Variants in EXOC2 observed in about 807,000 individuals in gnomAD.
EXOC2 encodes the protein SEC5-like 1.
EXOC2 carries 70 observed loss-of-function variants against 131.8 expected under a neutral mutation model. The observed-to-expected ratio is 0.53, with a 90% CI of 0.44 to 0.65. EXOC2 has a LOEUF of 0.65. Ranked by LOEUF, EXOC2 falls within the 30% of genes least tolerant of loss-of-function variation. EXOC2 has a pLI of 0.00. For synonymous variants in EXOC2, 411 were observed against 398.4 expected, an observed-to-expected ratio of 1.03 and a Z score of -0.38; for missense variants, 923 against 1,108.6, an observed-to-expected ratio of 0.83 and a Z score of 2.38.
At chr6:652,288 C>T (rs1762869172) in intron 1 of EXOC2, among the ~76,000 whole-genome samples, 2 of 152,112 alleles carry the variant, frequency 1.3e-5, no homozygotes, top group South Asian at 2.1e-4. Context: ...AGAATCTAGC[C>T]CAACGGAAAC....
intron 7 of EXOC2, among the ~76,000 whole-genome samples, chr6:603,543 C>T (rs150766207): frequency 4.8e-4 from 73 of 152,266 alleles, no homozygotes; most frequent in African/African-American, 1.5e-3. Flanking sequence ...TTGAAACCAA[C>T]CCCAATGGGA....
chr6:652,756 C>T (rs1408473237), intron 1 of EXOC2, among the ~76,000 whole-genome samples: 4 of 152,116 alleles, frequency 2.6e-5, no homozygotes, highest in Non-Finnish European at 4.4e-5. Flanking sequence ...CAAAAATTAC[C>T]CTTAAAGCAA....
At chr6:491,367 A>G (rs1042163232) in intron 25 of EXOC2, among the ~76,000 whole-genome samples, 181 bp from the exon 26 acceptor site, 2 of 152,258 alleles carry the variant, frequency 1.3e-5, no homozygotes, top group Non-Finnish European at 2.9e-5. Context: ...TGCTACCACA[A>G]AATGTTCGTT....
chr6:618,226 T>C (rs1319886015), intron 5 of EXOC2, among the ~76,000 whole-genome samples: 1 of 152,220 alleles, frequency 6.6e-6, no homozygotes, highest in Non-Finnish European at 1.5e-5. Flanking sequence ...ATTTCAAAGA[T>C]GGAACTGCTT....
chr6:649,901 A>G (rs1356946263), intron 1 of EXOC2, among the ~76,000 whole-genome samples: 1 of 152,208 alleles, frequency 6.6e-6, no homozygotes, highest in Non-Finnish European at 1.5e-5. Context: ...CTTGCTTCTC[A>G]GTAGTCTCCC....
At chr6:678,789 G>A (rs79098261) in intron 1 of EXOC2, among the ~76,000 whole-genome samples, 7,635 of 152,208 alleles carry the variant, frequency 0.05, 302 homozygotes, top group South Asian at 0.16. Context: ...ATGATGGGCC[G>A]TAGTCAGGAC....
In EXOC2 at chr6:532,531, C is replaced by G; in HGVS notation, c.2318G>C (p.Gly773Ala). The change falls in exon 23 of 28, where the codon GGC (glycine) becomes GCC (alanine). Residue 773 changes from glycine to alanine, a missense_variant. Gly to Ala is a moderately conservative substitution (Grantham distance 60, BLOSUM62 0). Transcript: ENST00000230449. ...YIELKADPIV[G>A]SLEPGIYAGY... ...TGCATAAATTCCAGGTTCTAAGGAGCCAACGATGGGATCTGCTTTCAACTC... is the reference window on the plus strand; with the variant it reads ...TGCATAAATTCCAGGTTCTAAGGAGGCAACGATGGGATCTGCTTTCAACTC... The G allele has an allele frequency of 6.2e-7, 1 of 1,608,448 alleles. No homozygotes were observed. The highest frequency in any genetic ancestry group is 1.1e-5 in the South Asian group (1 of 89,464).
At chr6:576,705 T>TTTG in intron 12 of EXOC2, 52 bp downstream of exon 12, 1 of 1,594,994 alleles carries the variant, frequency 6.3e-7, no homozygotes, top group South Asian at 1.1e-5. Context: ...ATGTTTGAAA[T>TTTG]TACACGAGTA....
At chr6:593,613 T>C (rs1759662626) in intron 10 of EXOC2, among the ~76,000 whole-genome samples, 1 of 152,216 alleles carries the variant, frequency 6.6e-6, no homozygotes, top group Non-Finnish European at 1.5e-5. Context: ...ACAAAATATA[T>C]AAATATAGCA....
intron 1 of EXOC2, among the ~76,000 whole-genome samples, chr6:667,899 A>ATCCG (rs1242146481): frequency 2.0e-5 from 3 of 151,342 alleles, no homozygotes; most frequent in African/African-American, 7.3e-5. Flanking sequence ...CCATCCATCC[A>ATCCG]TCCATCCATC....
intron 23 of EXOC2, among the ~76,000 whole-genome samples, chr6:505,993 A>C (rs1426059411): frequency 6.6e-6 from 1 of 152,230 alleles, no homozygotes; most frequent in Non-Finnish European, 1.5e-5. Flanking sequence ...GTCAGAATAT[A>C]TCTGCGTCAT....
At chr6:620,240 C>T (rs934713891) in intron 4 of EXOC2, among the ~76,000 whole-genome samples, 1 of 152,158 alleles carries the variant, frequency 6.6e-6, no homozygotes, top group Non-Finnish European at 1.5e-5. Flanking sequence ...CCAGATGTAC[C>T]CACCGAGGCT....
At chr6:542,044 A>C (rs567736821) in intron 22 of EXOC2, among the ~76,000 whole-genome samples, 1 of 152,370 alleles carries the variant, frequency 6.6e-6, no homozygotes, top group Admixed American at 6.5e-5. Flanking sequence ...ATTTATGCTA[A>C]TGTAAAAGTC....
chr6:652,292 C>A (rs745970906), intron 1 of EXOC2, among the ~76,000 whole-genome samples: 1 of 152,196 alleles, frequency 6.6e-6, no homozygotes, highest in Non-Finnish European at 1.5e-5. Context: ...TCTAGCCCAA[C>A]GGAAACACAT....
intron 22 of EXOC2, among the ~76,000 whole-genome samples, chr6:536,260 T>C (rs1236595915): frequency 6.6e-6 from 1 of 152,118 alleles, no homozygotes; most frequent in African/African-American, 2.4e-5. Flanking sequence ...TCTAAGCAGG[T>C]TGACATACTA....
chr6:531,597 C>T (rs1213996449), intron 23 of EXOC2, among the ~76,000 whole-genome samples: 1 of 152,218 alleles, frequency 6.6e-6, no homozygotes, highest in Non-Finnish European at 1.5e-5. Flanking sequence ...GGTGTTTAAA[C>T]AGTAAACAAT....
At chr6:612,225 T>TA (rs1344061183) in intron 6 of EXOC2, among the ~76,000 whole-genome samples, 1 of 152,234 alleles carries the variant, frequency 6.6e-6, no homozygotes, top group Non-Finnish European at 1.5e-5. Context: ...GTGGGCCACA[T>TA]ACGGCCTCTA....
chr6:572,166 A>G (rs1296618267), intron 13 of EXOC2, among the ~76,000 whole-genome samples: 2 of 152,222 alleles, frequency 1.3e-5, no homozygotes, highest in African/African-American at 4.8e-5. Flanking sequence ...ATTTGTTCAC[A>G]GTCTACCGCA....
At chr6:579,968 TTACAATA>T (rs1318773603) in intron 11 of EXOC2, among the ~76,000 whole-genome samples, 1 of 147,914 alleles carries the variant, frequency 6.8e-6, no homozygotes, top group Non-Finnish European at 1.5e-5. Context: ...TTGTTTCATC[TTACAATA>T]TGACAGCAAT....
Sources: allele counts gnomAD v4.1 joint callset (sites outside exome capture counted in the v4.1 genomes callset), GRCh38; gene constraint gnomAD v4.1.1; transcripts MANE v1.5; gene names NCBI Gene and HGNC (gene_info 2026-07-23, HGNC 2026-07-21).